Variants in GAB2 observed in about 807,000 individuals in gnomAD.
GAB2 encodes GRB2 associated binding protein 2.
Under a neutral mutation model 65.5 loss-of-function variants are expected in GAB2, and 26 were observed. The observed-to-expected ratio is 0.40, with a 90% confidence interval of 0.29 to 0.55. GAB2 has a LOEUF of 0.55. Ranked by LOEUF, GAB2 falls within the 20% of genes least tolerant of loss-of-function variation. GAB2 has a pLI of 0.53. For synonymous variants in GAB2, 321 were observed against 329.6 expected (o/e 0.97, Z 0.28); for missense variants, 884 against 875.8 (o/e 1.01, Z -0.12).
In GAB2 at chr11:78,291,294, C is replaced by A. The variant is rs1303313585; in HGVS notation, c.76-10393G>T. On this transcript the variant is annotated intron_variant, in intron 1 of 9. Coordinates refer to ENST00000361507, the MANE Select transcript of GAB2 (RefSeq NM_080491.3). ...GGTGAAACCGTCTCTACTAAAACGA[C>A]AAAAAAAAAAAAAAAAAAAAAATTA... Among the ~76,000 whole-genome samples the A allele has an allele frequency of 3.7e-3, 387 of 103,778 alleles. 1 individual carries two copies. Among genetic ancestry groups the A allele is most frequent in the African/African-American group, 0.012 (312 of 25,916 alleles). 68.1% of individuals were successfully genotyped at this position (103,778 alleles called of 152,430 possible).
In GAB2 at chr11:78,309,057, GA is replaced by G. The variant is rs143379188; in HGVS notation, c.76-28157del. Among the ~76,000 whole-genome samples, 1,488 of 151,948 alleles carry G rather than the reference GA, an allele frequency of 9.8e-3. 27 individuals are homozygous for G. The highest frequency in any genetic ancestry group is 0.034 in the African/African-American group (1,412 of 41,460). ...AGTAATGTCACTGGGAGTGGGGACA[GA>G]AAAAAAGGTATTTGAGAATTACTTA... On this transcript the variant is annotated intron_variant, in intron 1 of 9. Transcript: ENST00000361507.
chr11:78,289,497 C>G (rs56802133), intron 1 of GAB2, among the ~76,000 whole-genome samples: 1 of 152,108 alleles, frequency 6.6e-6, no homozygotes. Flanking sequence ...AAAACAAACA[C>G]AAAATGTGTT....
intron 2 of GAB2, among the ~76,000 whole-genome samples, chr11:78,263,899 ATTT>A (rs35453397): frequency 1.4e-5 from 2 of 142,590 alleles, no homozygotes. Flanking sequence ...TCTCCTGTCA[ATTT>A]TTTTTTTTTT....
At chr11:78,229,564 G>C (rs370654453) in intron 3 of GAB2, among the ~76,000 whole-genome samples, 163 of 152,184 alleles carry the variant, frequency 1.1e-3, no homozygotes, top group African/African-American at 3.8e-3. Context: ...CAGAAACCTG[G>C]GAGTCACCCA....
At chr11:78,346,059 A>G (rs1295906119) in intron 1 of GAB2, among the ~76,000 whole-genome samples, 1 of 152,222 alleles carries the variant, frequency 6.6e-6, no homozygotes, top group African/African-American at 2.4e-5. Context: ...ACTAGCAAAT[A>G]ATTGCATCAC....
At chr11:78,260,942 T>C (rs1191437147) in intron 2 of GAB2, among the ~76,000 whole-genome samples, 1 of 152,094 alleles carries the variant, frequency 6.6e-6, no homozygotes, top group Non-Finnish European at 1.5e-5. Flanking sequence ...AACATTCCAA[T>C]TAGAACAAGG....
chr11:78,416,352 A>G (rs886720885), intron 1 of GAB2, among the ~76,000 whole-genome samples: 4 of 152,162 alleles, frequency 2.6e-5, no homozygotes, highest in Non-Finnish European at 4.4e-5. Flanking sequence ...CGCAACAACA[A>G]CACTTCCTTT....
intron 1 of GAB2, among the ~76,000 whole-genome samples, chr11:78,405,074 G>A (rs1433811205): frequency 6.7e-6 from 1 of 149,210 alleles, no homozygotes; most frequent in Non-Finnish European, 1.5e-5. Context: ...TCCACAGAAT[G>A]TGGGGAAAAA....
At chr11:78,299,426 C>G (rs1866931749) in intron 1 of GAB2, among the ~76,000 whole-genome samples, 1 of 152,194 alleles carries the variant, frequency 6.6e-6, no homozygotes, top group Non-Finnish European at 1.5e-5. Context: ...TAGACTGACT[C>G]TCCCAAAGGT....
chr11:78,338,814 T>C (rs1442505932), intron 1 of GAB2, among the ~76,000 whole-genome samples: 3 of 152,196 alleles, frequency 2.0e-5, no homozygotes, highest in Non-Finnish European at 4.4e-5. Flanking sequence ...CTTAATAATA[T>C]GCTCCAAAAA....
intron 2 of GAB2, among the ~76,000 whole-genome samples, chr11:78,276,800 TTTTTATTTA>T (rs963076428): frequency 6.7e-6 from 1 of 148,648 alleles, no homozygotes; most frequent in African/African-American, 2.5e-5. Flanking sequence ...AAATATGTGA[TTTTTATTTA>T]TTTTATTTAT....
rs918131372 is a variant in GAB2, at chr11:78,215,626, G to C, written c.*3646C>G. On this transcript the variant is annotated 3_prime_UTR_variant, in exon 10 of 10. Coordinates refer to ENST00000361507, the MANE Select transcript of GAB2 (RefSeq NM_080491.3). ...GACAATTCTGCGTGAAATAATTCTA[G>C]ATTTCAAGACACAAGTAGCCAACAA... 6.6e-6 allele frequency: 1 copy of C among 152,270 alleles called. No homozygotes were observed. Among genetic ancestry groups the C allele is most frequent in the African/African-American group, 2.4e-5 (1 of 41,428 alleles). The allele number at this position is 152,270 out of a possible 1,614,324, so 9.4% of individuals were successfully genotyped here. A position where few individuals can be genotyped will look rare whatever the true frequency, so the allele number is the denominator to read the frequency against.
chr11:78,244,654 C>T (rs554786868), intron 3 of GAB2, among the ~76,000 whole-genome samples: 96 of 72,452 alleles, frequency 1.3e-3, no homozygotes, highest in African/African-American at 5.1e-3. Context: ...AAACAGCCAA[C>T]ATTCATAGTA....
intron 2 of GAB2, among the ~76,000 whole-genome samples, chr11:78,255,148 GA>G (rs1865562968): frequency 6.6e-6 from 1 of 152,088 alleles, no homozygotes; most frequent in African/African-American, 2.4e-5. Context: ...AATACCATGT[GA>G]TGTATGGGTC....
intron 1 of GAB2, among the ~76,000 whole-genome samples, chr11:78,413,960 T>C (rs974177925): frequency 6.6e-6 from 1 of 151,896 alleles, no homozygotes; most frequent in Non-Finnish European, 1.5e-5. Context: ...TGGTGATGCA[T>C]GCCTGTAATC....
intron 1 of GAB2, chr11:78,388,011 A>C (rs1216042368): frequency 2.0e-5 from 3 of 151,998 alleles, no homozygotes; most frequent in Non-Finnish European, 4.4e-5. Flanking sequence ...AGTGCTCAAT[A>C]TGTATATAAT....
intron 1 of GAB2, among the ~76,000 whole-genome samples, chr11:78,357,365 T>C (rs1180476166): frequency 6.6e-6 from 1 of 152,098 alleles, no homozygotes; most frequent in Non-Finnish European, 1.5e-5. Flanking sequence ...AAAGAAGTAA[T>C]GTCTTTTGGT....
At chr11:78,393,568 A>G (rs1856859523) in intron 1 of GAB2, among the ~76,000 whole-genome samples, 1 of 152,236 alleles carries the variant, frequency 6.6e-6, no homozygotes, top group South Asian at 2.1e-4. Flanking sequence ...CCAATTTGGT[A>G]TGATGCATCA....
chr11:78,260,281 G>A (rs1039322866), intron 2 of GAB2, among the ~76,000 whole-genome samples: 1 of 152,148 alleles, frequency 6.6e-6, no homozygotes, highest in South Asian at 2.1e-4. Flanking sequence ...TGATGCATAC[G>A]ATCTCACAGT....
Sources: gnomAD v4.1 joint callset for allele counts (sites outside exome capture counted in the v4.1 genomes callset) on GRCh38, gnomAD v4.1.1 for gene constraint, MANE v1.5 for transcripts, NCBI Gene and HGNC (gene_info 2026-07-23, HGNC 2026-07-21) for gene names.